VGLL1: variants seen among roughly 807,000 people sequenced by gnomAD.
VGLL1 encodes the protein vestigial like family member 1.
In VGLL1, 4 loss-of-function variants were observed where a neutral mutation model predicts 12.0. The observed-to-expected ratio is 0.33, with a 90% CI of 0.16 to 0.76. The LOEUF is 0.76. Ranked by LOEUF, VGLL1 falls within the 30% of genes least tolerant of loss-of-function variation. VGLL1 has a pLI of 0.60. For synonymous variants in VGLL1, 87 were observed against 81.2 expected (o/e 1.07, Z -0.39); for missense variants, 204 against 208.7 (o/e 0.98, Z 0.14).
chrX:136,549,318 G>T (rs763286114), intron 3 of VGLL1, among the ~76,000 whole-genome samples: 1 of 111,542 alleles, frequency 9.0e-6, no homozygotes, highest in Non-Finnish European at 1.9e-5. Context: ...AGGGTCCTGT[G>T]TTTACCTCAT....
chrX:136,532,819 C>T (rs752004029), intron 1 of VGLL1, among the ~76,000 whole-genome samples: 18 of 108,206 alleles, frequency 1.7e-4, no homozygotes, highest in Non-Finnish European at 2.9e-4. Context: ...GCCGTTCTGG[C>T]GGTACCACTG....
At chrX:136,540,820 C>T (rs778537713) in intron 2 of VGLL1, among the ~76,000 whole-genome samples, 10 of 111,502 alleles carry the variant, frequency 9.0e-5, no homozygotes, top group Non-Finnish European at 1.7e-4. Flanking sequence ...AGAGGGAGTA[C>T]GGTGTGGTGT....
At chrX:136,551,119 C>G (rs2075884999) in intron 4 of VGLL1, among the ~76,000 whole-genome samples, 1 of 109,857 alleles carries the variant, frequency 9.1e-6, no homozygotes, top group Non-Finnish European at 1.9e-5. Context: ...CTGAGTTTGA[C>G]TTAACTGAAG....
chrX:136,543,113 G>A (rs1320254445), intron 2 of VGLL1, among the ~76,000 whole-genome samples: 1 of 111,632 alleles, frequency 9.0e-6, no homozygotes, highest in African/African-American at 3.3e-5. Flanking sequence ...TCAGCATTTC[G>A]AATACTAGCT....
chrX:136,548,532 A>G, intron 2 of VGLL1, 57 bp from the exon 3 acceptor site: 1 of 1,111,147 alleles, frequency 9.0e-7, no homozygotes. Flanking sequence ...AAAAAAAACT[A>G]CATCCATTTT....
intron 2 of VGLL1, among the ~76,000 whole-genome samples, chrX:136,539,879 C>CCA (rs748168870): frequency 8.0e-5 from 9 of 111,854 alleles, no homozygotes; most frequent in Admixed American, 3.8e-4. Flanking sequence ...CCTGCTCTGC[C>CCA]CACAGTCTTT....
chrX:136,549,030 C>G (rs1256857080), intron 3 of VGLL1, 22 bp downstream of exon 3: 1 of 1,181,361 alleles, frequency 8.5e-7, no homozygotes, highest in Non-Finnish European at 1.1e-6. Flanking sequence ...CCTACAGATA[C>G]TTGGAGGGGT....
At chrX:136,544,779 T>A (rs1436159768) in intron 2 of VGLL1, among the ~76,000 whole-genome samples, 2 of 112,247 alleles carry the variant, frequency 1.8e-5, no homozygotes, top group Non-Finnish European at 3.8e-5. Context: ...GAAATCCCTC[T>A]TTTATAACCA....
At chrX:136,545,491 C>T (rs779692943) in intron 2 of VGLL1, among the ~76,000 whole-genome samples, 2 of 111,084 alleles carry the variant, frequency 1.8e-5, no homozygotes, top group African/African-American at 3.3e-5. Context: ...GCTTACTGAA[C>T]GATAAAGAAG....
intron 1 of VGLL1, 26 bp downstream of exon 1, chrX:136,532,322 G>C (rs776839650): frequency 1.8e-5 from 2 of 111,630 alleles, no homozygotes; most frequent in East Asian, 2.8e-4. Flanking sequence ...GATTTTTTTG[G>C]GGGGAGAAGC....
At chrX:136,543,574 T>G (rs1014983210) in intron 2 of VGLL1, among the ~76,000 whole-genome samples, 2 of 110,717 alleles carry the variant, frequency 1.8e-5, no homozygotes, top group Non-Finnish European at 3.8e-5. Context: ...CTGGGCAACA[T>G]AGAGAGACCC....
intron 2 of VGLL1, among the ~76,000 whole-genome samples, chrX:136,545,884 A>G (rs1261794105): frequency 1.8e-5 from 2 of 111,577 alleles, no homozygotes; most frequent in African/African-American, 6.5e-5. Context: ...GAAAAAGGGC[A>G]GTGCGGGAAA....
At chrX:136,535,856 G>T (rs762518957) in intron 1 of VGLL1, 140 bp from the exon 2 acceptor site, 24 of 454,002 alleles carry the variant, frequency 5.3e-5, no homozygotes, top group Non-Finnish European at 8.0e-5. Context: ...ACCTTTAGGA[G>T]CTATGTGGCT....
chrX:136,534,550 C>T (rs1453936123), intron 1 of VGLL1, among the ~76,000 whole-genome samples: 1 of 112,321 alleles, frequency 8.9e-6, no homozygotes, highest in Non-Finnish European at 1.9e-5. Context: ...TATTTATTCT[C>T]CTGGTGATAA....
intron 2 of VGLL1, among the ~76,000 whole-genome samples, chrX:136,547,838 A>G (rs143237007): frequency 8.9e-6 from 1 of 111,990 alleles, no homozygotes; most frequent in East Asian, 2.8e-4. Context: ...AGAGATGCTC[A>G]TTGTAATGCT....
chrX:136,536,047 C>A lies in VGLL1; in HGVS notation c.27C>A (p.Ile9=). The change falls in exon 2 of 5, where the codon ATC becomes ATA. Residue 9 remains isoleucine, a synonymous_variant. Coordinates refer to ENST00000370634, the MANE Select transcript of VGLL1 (RefSeq NM_016267.4). MEEMKKTA[I]RLPKGKQKPI... is the part of the protein sequence containing the mutation. ...TGGAAGAAATGAAGAAGACTGCCAT[C>A]CGGCTGCCCAAAGGCAAACAGAAGC... The A allele has an allele frequency of 8.3e-7, 1 of 1,211,401 alleles. No homozygotes were observed. The highest frequency in any genetic ancestry group is 3.0e-5 in the East Asian group (1 of 33,835).
chrX:136,555,175 G>A (rs1430561105), intron 4 of VGLL1, among the ~76,000 whole-genome samples: 1 of 112,219 alleles, frequency 8.9e-6, no homozygotes, highest in East Asian at 2.8e-4. Flanking sequence ...AACAGAAGGA[G>A]TGATCAACTG....
intron 1 of VGLL1, among the ~76,000 whole-genome samples, chrX:136,532,814 T>C (rs1378902211): frequency 1.8e-5 from 2 of 109,197 alleles, no homozygotes; most frequent in African/African-American, 6.7e-5. Flanking sequence ...ATTATGCCGT[T>C]CTGGCGGTAC....
chrX:136,535,839 G>A (rs750036025), intron 1 of VGLL1, among the ~76,000 whole-genome samples, 157 bp from the exon 2 acceptor site: 1 of 111,255 alleles, frequency 9.0e-6, no homozygotes, highest in African/African-American at 3.3e-5. Context: ...CAACAGCATC[G>A]TCATTGACCT....
Sources: gnomAD v4.1 joint callset for allele counts (sites outside exome capture counted in the v4.1 genomes callset) on GRCh38, gnomAD v4.1.1 for gene constraint, MANE v1.5 for transcripts, NCBI Gene and HGNC (gene_info 2026-07-23, HGNC 2026-07-21) for gene names.